The following ALDH2 variants were observed in gnomAD, a reference collection of about 807,000 sequenced individuals.
ALDH2 encodes the protein aldehyde dehydrogenase 2 family member.
In ALDH2, 44 loss-of-function variants were observed where a neutral mutation model predicts 59.6. That is an observed-to-expected ratio of 0.74 (90% CI 0.58 to 0.95). The LOEUF is 0.95. ALDH2 is among the 40% of genes least tolerant of loss of function. The pLI, the probability that ALDH2 is intolerant of heterozygous loss-of-function variation, is 0.00. For synonymous variants in ALDH2, 291 were observed against 284.0 expected (o/e 1.02, Z -0.25); for missense variants, 570 against 696.3 (o/e 0.82, Z 2.04).
At position 111,791,324 on chromosome 12, in the gene ALDH2, G is replaced by A; in HGVS notation, c.700G>A (p.Val234Met). The A allele has an allele frequency of 6.2e-7, 1 of 1,614,082 alleles. No homozygotes were observed. The highest frequency in any genetic ancestry group is 8.5e-7 in the Non-Finnish European group (1 of 1,179,990). The stretch of plus-strand genomic sequence containing the variant: ...CTCACAGGCTGGCTTTCCCCCTGGT[G>A]TGGTCAACATTGTGCCTGGATTTGG... ...LIKEAGFPPG[V>M]VNIVPGFGPT... The change falls in exon 7 of 13, where the codon GTG becomes ATG. Residue 234 changes from valine to methionine, a missense_variant. Val to Met is a conservative substitution (Grantham distance 21). Transcript: ENST00000261733.
chr12:111,783,283 C>T lies in ALDH2; in HGVS notation c.345C>T (p.Asp115=), dbSNP rs1353777547. The T allele has an allele frequency of 1.2e-6, 2 of 1,608,390 alleles. No homozygotes were observed. The highest frequency in any genetic ancestry group is 8.5e-7 in the Non-Finnish European group (1 of 1,176,328). Residue 115 remains aspartate (D), a synonymous_variant, in exon 3 of 13, where the codon GAC becomes GAT. Coordinates refer to ENST00000261733, the MANE Select transcript of ALDH2 (RefSeq NM_000690.4). ...LNRLADLIER[D]RTYLAALETL... ...GCCTGGCCGATCTGATCGAGCGGGA[C>T]CGGACCTACCTGGCGGTGAGTCCTC...
At position 111,790,562 on chromosome 12, in the gene ALDH2, G is replaced by T. The variant is rs770348553; in HGVS notation, c.681G>T (p.Glu227Asp). Residue 227 changes from glutamate to aspartate, a missense_variant and splice_region_variant, in exon 6 of 13, where the codon GAG (glutamate) becomes GAT (aspartate). Physicochemically the swap from Glu to Asp is conservative, Grantham distance 45 (BLOSUM62 2). Coordinates refer to ENST00000261733, the MANE Select transcript of ALDH2 (RefSeq NM_000690.4). ...TCTATGTGGCCAACCTGATCAAGGA[G>T]GTGCGTGGCTTATCCTGGTCTTAAC... Reference protein sequence around the residue: ...TALYVANLIKEAGFPPGVVNI... With the variant: ...TALYVANLIKDAGFPPGVVNI... 1.2e-6 allele frequency: 2 copies of T among 1,614,172 alleles called. No homozygotes were observed. The highest frequency in any genetic ancestry group is 1.7e-6 in the Non-Finnish European group (2 of 1,180,026).
intron 4 of ALDH2, among the ~76,000 whole-genome samples, chr12:111,786,867 C>A (rs1352099040): frequency 6.6e-6 from 1 of 152,014 alleles, no homozygotes; most frequent in East Asian, 1.9e-4. Context: ...TTTCAATGAC[C>A]AAGGAACAAG....
At chr12:111,791,611 T>C (rs1033847743) in intron 7 of ALDH2, among the ~76,000 whole-genome samples, 192 bp downstream of exon 7, 1 of 152,042 alleles carries the variant, frequency 6.6e-6, no homozygotes, top group Admixed American at 6.5e-5. Flanking sequence ...TAGCTGCCCT[T>C]GGGAGGGGCC....
chr12:111,790,180 C>T (rs1298760471), intron 5 of ALDH2, among the ~76,000 whole-genome samples: 1 of 152,180 alleles, frequency 6.6e-6, no homozygotes, highest in South Asian at 2.1e-4. Context: ...AACATAGTGC[C>T]TGTCTTAGGG....
intron 4 of ALDH2, among the ~76,000 whole-genome samples, chr12:111,788,791 C>G (rs1271807613): frequency 6.6e-6 from 1 of 151,964 alleles, no homozygotes; most frequent in Non-Finnish European, 1.5e-5. Context: ...CACTTGAGCT[C>G]AGGAGTTTGA....
chr12:111,796,853 C>T (rs753184894), intron 9 of ALDH2, among the ~76,000 whole-genome samples: 1 of 152,108 alleles, frequency 6.6e-6, no homozygotes, highest in Non-Finnish European at 1.5e-5. Flanking sequence ...TGCAGTGAGC[C>T]GTGATTGTGC....
At chr12:111,799,778 C>T in intron 10 of ALDH2, 128 bp from the exon 11 acceptor site, 1 of 1,166,386 alleles carries the variant, frequency 8.6e-7, no homozygotes, top group East Asian at 2.5e-5. Flanking sequence ...TGTTGTCTTC[C>T]CCTGGAACTG....
At chr12:111,769,347 G>T (rs2068182073) in intron 1 of ALDH2, among the ~76,000 whole-genome samples, 1 of 151,982 alleles carries the variant, frequency 6.6e-6, no homozygotes, top group Non-Finnish European at 1.5e-5. Flanking sequence ...GAGATTAGAT[G>T]TAAGGCTGCA....
At chr12:111,804,451 C>T (rs1247821143) in intron 12 of ALDH2, among the ~76,000 whole-genome samples, 3 of 152,116 alleles carry the variant, frequency 2.0e-5, no homozygotes, top group Non-Finnish European at 4.4e-5. Flanking sequence ...TTTCACCAGG[C>T]GCGGTGGCTT....
rs1336804256 is a variant in ALDH2, at chr12:111,812,546, C to G, written c.*2971C>G. The G allele has an allele frequency of 6.6e-6, 1 of 152,016 alleles. No individual in the cohort carries two copies. The highest frequency in any genetic ancestry group is 1.5e-5 in the Non-Finnish European group (1 of 68,024). The allele number at this position is 152,016 out of a possible 1,614,324, so 9.4% of individuals were successfully genotyped here. ...CTCATTATATAGGATGATATTACTT[C>G]TAGGAAGATTTTCTATGTATGGAGG... On this transcript the variant is annotated 3_prime_UTR_variant, in exon 13 of 13. Transcript: ENST00000261733.
rs141512768 is a variant in ALDH2, at chr12:111,812,839, C to T, written c.*3264C>T. 1 of 152,288 alleles carries T rather than the reference C, an allele frequency of 6.6e-6. No individual in the cohort carries two copies. Among genetic ancestry groups the T allele is most frequent in the African/African-American group, 2.4e-5 (1 of 41,500 alleles). The allele number at this position is 152,288 out of a possible 1,614,324, so 9.4% of individuals were successfully genotyped here. On this transcript the variant is annotated 3_prime_UTR_variant, in exon 13 of 13. Transcript: ENST00000261733. ...GCTGCAGTGAGCTGTGATTGCACCA[C>T]TTCACTCCAGCCCAGAGTGAGACCC...
In ALDH2 at chr12:111,790,495, T is replaced by C. The variant is rs1227213007; in HGVS notation, c.614T>C (p.Val205Ala). Reference sequence around the variant, plus strand: ...GGCCCAGCCTTGGCAACTGGAAACGTGGTTGTGATGAAGGTAGCTGAGCAG... The same window carrying C: ...GGCCCAGCCTTGGCAACTGGAAACGCGGTTGTGATGAAGGTAGCTGAGCAG... ...KLGPALATGN[V>A]VVMKVAEQTP... Residue 205 changes from valine (V) to alanine (A), a missense_variant, in exon 6 of 13, where the codon GTG becomes GCG. Coordinates refer to ENST00000261733, the MANE Select transcript of ALDH2 (RefSeq NM_000690.4). The C allele has an allele frequency of 6.2e-7, 1 of 1,614,026 alleles. No individual in the cohort carries two copies. The highest frequency in any genetic ancestry group is 8.5e-7 in the Non-Finnish European group (1 of 1,180,030).
At chr12:111,802,176 G>C (rs1284505970) in intron 11 of ALDH2, among the ~76,000 whole-genome samples, 1 of 152,144 alleles carries the variant, frequency 6.6e-6, no homozygotes, top group East Asian at 1.9e-4. Context: ...CACTTTGGGA[G>C]TCCGAAGTAG....
chr12:111,783,274 C>A lies in ALDH2; in HGVS notation c.336C>A (p.Ile112=), dbSNP rs199967065. ...GRLLNRLADL[I]ERDRTYLAAL... ...TGCTGAACCGCCTGGCCGATCTGAT[C>A]GAGCGGGACCGGACCTACCTGGCGG... The change falls in exon 3 of 13, where the codon ATC becomes ATA. Residue 112 remains isoleucine, a synonymous_variant. Transcript: ENST00000261733. The A allele has an allele frequency of 2.6e-5, 42 of 1,611,644 alleles. No homozygotes were observed. Among genetic ancestry groups the A allele is most frequent in the Non-Finnish European group, 3.4e-5 (40 of 1,178,664 alleles).
At chr12:111,776,614 A>T (rs1303711890) in intron 1 of ALDH2, among the ~76,000 whole-genome samples, 3 of 152,024 alleles carry the variant, frequency 2.0e-5, no homozygotes, top group African/African-American at 7.2e-5. Context: ...TACAAAAAAA[A>T]TCCCACCTTT....
intron 12 of ALDH2, among the ~76,000 whole-genome samples, chr12:111,807,874 A>G (rs928853857): frequency 2.7e-5 from 4 of 146,120 alleles, no homozygotes; most frequent in African/African-American, 1.0e-4. Context: ...TAGGTGGCTC[A>G]ATTTTTTTTT....
intron 4 of ALDH2, 98 bp from the exon 5 acceptor site, chr12:111,789,725 A>G (rs1167139876): frequency 3.0e-6 from 3 of 1,010,980 alleles, no homozygotes; most frequent in Non-Finnish European, 3.0e-6. Flanking sequence ...GTTTTCAGAA[A>G]GACTCAGCTG....
intron 4 of ALDH2, among the ~76,000 whole-genome samples, chr12:111,787,113 C>T (rs1593076574): frequency 6.6e-6 from 1 of 151,768 alleles, no homozygotes; most frequent in African/African-American, 2.4e-5. Context: ...GGCTGAGGCA[C>T]GAGAATCACT....
Sources: gnomAD v4.1 joint callset for allele counts (sites outside exome capture counted in the v4.1 genomes callset) on GRCh38, gnomAD v4.1.1 for gene constraint, MANE v1.5 for transcripts, NCBI Gene and HGNC (gene_info 2026-07-23, HGNC 2026-07-21) for gene names.